CAMK1D: variants seen among roughly 807,000 people sequenced by gnomAD.
CAMK1D encodes calcium/calmodulin dependent protein kinase ID.
A neutral mutation model predicts 47.7 loss-of-function variants in CAMK1D; 9 were observed. The observed-to-expected ratio is 0.19, with a 90% confidence interval of 0.11 to 0.33. The LOEUF is 0.33. CAMK1D is among the 10% of genes least tolerant of loss of function. CAMK1D has a pLI of 1.00. For missense variants in CAMK1D, 291 were observed against 488.7 expected (o/e 0.60, Z 3.81); for synonymous variants, 184 against 184.9 (o/e 0.99, Z 0.04).
intron 2 of CAMK1D, among the ~76,000 whole-genome samples, chr10:12,611,932 C>T (rs1005922452): frequency 6.6e-6 from 1 of 152,168 alleles, no homozygotes; most frequent in Non-Finnish European, 1.5e-5. Flanking sequence ...CCAGGTTATC[C>T]TGCTAATGCC....
At chr10:12,674,434 A>C (rs1840728543) in intron 3 of CAMK1D, among the ~76,000 whole-genome samples, 2 of 152,168 alleles carry the variant, frequency 1.3e-5, no homozygotes, top group Non-Finnish European at 2.9e-5. Context: ...CATCGTGGGC[A>C]CTGAGATACA....
intron 1 of CAMK1D, among the ~76,000 whole-genome samples, chr10:12,412,533 G>A (rs1353213933): frequency 6.7e-6 from 1 of 149,892 alleles, no homozygotes; most frequent in African/African-American, 2.5e-5. Context: ...TGAGGCAGGA[G>A]AATCACTTGA....
intron 1 of CAMK1D, among the ~76,000 whole-genome samples, chr10:12,437,000 T>G (rs958465804): frequency 5.3e-5 from 8 of 152,078 alleles, no homozygotes; most frequent in African/African-American, 1.9e-4. Flanking sequence ...AATTTCCCAG[T>G]GTCCTCTTCC....
At chr10:12,808,252 T>C (rs1832448747) in intron 6 of CAMK1D, among the ~76,000 whole-genome samples, 1 of 152,238 alleles carries the variant, frequency 6.6e-6, no homozygotes, top group Non-Finnish European at 1.5e-5. Flanking sequence ...TTTCTATTGT[T>C]ACTGTCACCC....
intron 3 of CAMK1D, among the ~76,000 whole-genome samples, chr10:12,757,749 C>T (rs961543312): frequency 1.3e-5 from 2 of 152,060 alleles, no homozygotes; most frequent in Admixed American, 6.6e-5. Flanking sequence ...TCCATTCCTG[C>T]CTTGGAGGCA....
At chr10:12,459,432 G>C (rs908625064) in intron 1 of CAMK1D, among the ~76,000 whole-genome samples, 1 of 151,858 alleles carries the variant, frequency 6.6e-6, no homozygotes, top group Admixed American at 6.6e-5. Context: ...TTACTGTGAC[G>C]AGTCTATTTT....
At chr10:12,545,220 G>A (rs1162702586) in intron 1 of CAMK1D, among the ~76,000 whole-genome samples, 1 of 3,178 alleles carries the variant, frequency 3.1e-4, no homozygotes, top group African/African-American at 4.2e-4. Context: ...AAGCAATTGA[G>A]AAAAACCTCA....
At chr10:12,440,285 G>T (rs888148048) in intron 1 of CAMK1D, among the ~76,000 whole-genome samples, 1 of 116,704 alleles carries the variant, frequency 8.6e-6, no homozygotes, top group Non-Finnish European at 1.8e-5. Flanking sequence ...AGTCTTTTTG[G>T]ATTTTTTTTT....
At chr10:12,734,343 AAAATATATATATATAT>A (rs1399238024) in intron 3 of CAMK1D, among the ~76,000 whole-genome samples, 2 of 17,132 alleles carry the variant, frequency 1.2e-4, no homozygotes, top group African/African-American at 2.1e-4. Flanking sequence ...AAAAAAAAAA[AAAATATATATATATAT>A]ATATATATAT....
intron 1 of CAMK1D, among the ~76,000 whole-genome samples, chr10:12,537,548 C>T (rs938233175): frequency 6.6e-6 from 1 of 152,156 alleles, no homozygotes; most frequent in African/African-American, 2.4e-5. Context: ...AGCATTTTTG[C>T]GACTGCTAGT....
chr10:12,455,124 A>G (rs979217153), intron 1 of CAMK1D, among the ~76,000 whole-genome samples: 1 of 152,186 alleles, frequency 6.6e-6, no homozygotes, highest in Non-Finnish European at 1.5e-5. Context: ...TTACCCTAGG[A>G]GGAGCCTCAG....
intron 1 of CAMK1D, among the ~76,000 whole-genome samples, chr10:12,436,823 G>A (rs1226301576): frequency 6.6e-6 from 1 of 152,176 alleles, no homozygotes; most frequent in Non-Finnish European, 1.5e-5. Flanking sequence ...AAGTGCCCAT[G>A]CGTTGGTCCC....
chr10:12,403,468 C>T (rs1015437096), intron 1 of CAMK1D, among the ~76,000 whole-genome samples: 5 of 152,166 alleles, frequency 3.3e-5, no homozygotes, highest in African/African-American at 1.2e-4. Context: ...GATGATGTTT[C>T]TTAGCTCAGT....
Position 12,374,942 on chromosome 10 carries a change from C to CAA in CAMK1D, c.92+25052_92+25053dup, listed in dbSNP as rs71384315. On this transcript the variant is annotated intron_variant, in intron 1 of 10. Coordinates refer to ENST00000619168, the MANE Select transcript of CAMK1D (RefSeq NM_153498.4). The stretch of plus-strand genomic sequence containing the variant: ...TGGGTGACAGGGTAAGACTCCGTCT[C>CAA]AAAAAAAAAAAAAAAAAAAAAGAAA... Among the ~76,000 whole-genome samples the CAA allele has an allele frequency of 2.6e-3, 248 of 94,384 alleles. 3 individuals carry two copies. The highest frequency in any genetic ancestry group is 4.2e-3 in the South Asian group (11 of 2,646). 61.9% of individuals were successfully genotyped at this position (94,384 alleles called of 152,430 possible).
intron 1 of CAMK1D, among the ~76,000 whole-genome samples, chr10:12,505,856 A>ATCT (rs1377228989): frequency 7.1e-6 from 1 of 140,574 alleles, no homozygotes; most frequent in Non-Finnish European, 1.6e-5. Flanking sequence ...GACAGCTGTC[A>ATCT]TCTTCCTCCT....
At chr10:12,731,121 A>G (rs901294145) in intron 3 of CAMK1D, among the ~76,000 whole-genome samples, 12 of 152,152 alleles carry the variant, frequency 7.9e-5, no homozygotes, top group African/African-American at 2.2e-4. Context: ...AATTAAAGTG[A>G]ACCAGCAGAG....
At chr10:12,573,496 A>C (rs1837390645) in intron 2 of CAMK1D, among the ~76,000 whole-genome samples, 1 of 152,182 alleles carries the variant, frequency 6.6e-6, no homozygotes, top group Non-Finnish European at 1.5e-5. Context: ...AATGGAGCAC[A>C]CACTTATTGG....
chr10:12,676,534 A>T (rs1317224520), intron 3 of CAMK1D, among the ~76,000 whole-genome samples: 1 of 152,204 alleles, frequency 6.6e-6, no homozygotes, highest in Non-Finnish European at 1.5e-5. Context: ...TGATATGATC[A>T]CCTGGGAATG....
chr10:12,590,205 C>A (rs970623973), intron 2 of CAMK1D, among the ~76,000 whole-genome samples: 2 of 152,050 alleles, frequency 1.3e-5, no homozygotes, highest in African/African-American at 4.8e-5. Flanking sequence ...TTCTTTGGTG[C>A]TGGGTCTCAG....
Sources: gnomAD v4.1 joint callset for allele counts (sites outside exome capture counted in the v4.1 genomes callset) on GRCh38, gnomAD v4.1.1 for gene constraint, MANE v1.5 for transcripts, NCBI Gene and HGNC (gene_info 2026-07-23, HGNC 2026-07-21) for gene names.